IFT88: variants seen among roughly 807,000 people sequenced by gnomAD.
IFT88 encodes the protein intraflagellar transport 88.
A neutral mutation model predicts 119.5 loss-of-function variants in IFT88; 74 were observed. The ratio of observed to expected loss-of-function variants is 0.62; its 90% CI spans 0.51 to 0.75. The LOEUF (loss-of-function observed/expected upper bound fraction) is 0.75, where lower values mean the gene tolerates loss of function less well. Among genes scored for constraint, IFT88 ranks in the 30% least tolerant of loss-of-function variants. The pLI is 0.00. For synonymous variants in IFT88, 279 were observed against 316.7 expected (o/e 0.88, Z 1.26); for missense variants, 961 against 977.7 (o/e 0.98, Z 0.23).
chr13:20,671,673 C>G (rs978161336), intron 24 of IFT88, among the ~76,000 whole-genome samples: 5 of 152,196 alleles, frequency 3.3e-5, no homozygotes, highest in Non-Finnish European at 5.9e-5. Context: ...AATCTACCTT[C>G]TTTCTCTACT....
intron 24 of IFT88, among the ~76,000 whole-genome samples, chr13:20,677,032 A>G (rs77195965): frequency 0.031 from 4,754 of 152,278 alleles, 100 homozygotes; most frequent in Middle Eastern, 0.065. Flanking sequence ...TTTTCTAGCC[A>G]TAATAAGTAC....
intron 22 of IFT88, among the ~76,000 whole-genome samples, chr13:20,658,259 A>G (rs2314237): frequency 0.92 from 139,792 of 152,022 alleles, 64,364 homozygotes; most frequent in East Asian, 1. Flanking sequence ...ACCATGCCCA[A>G]CTAATTTTTG....
chr13:20,642,786 T>G (rs1473194183), intron 18 of IFT88: 3 of 152,168 alleles, frequency 2.0e-5, no homozygotes, highest in Non-Finnish European at 4.4e-5. Flanking sequence ...TTTTCTTTTT[T>G]TTTTTTCTTG....
At chr13:20,650,368 A>C (rs968986009) in intron 20 of IFT88, among the ~76,000 whole-genome samples, 3 of 152,254 alleles carry the variant, frequency 2.0e-5, no homozygotes, top group Non-Finnish European at 2.9e-5. Flanking sequence ...TGAAGAAAAA[A>C]CCCACGTGAT....
chr13:20,684,274 A>C (rs1212628159), intron 24 of IFT88, among the ~76,000 whole-genome samples: 3 of 152,152 alleles, frequency 2.0e-5, no homozygotes, highest in Admixed American at 1.3e-4. Context: ...TGGGGCAGCT[A>C]CTTTTTGCCC....
At chr13:20,674,713 TATATATA>T (rs1566450088) in intron 24 of IFT88, among the ~76,000 whole-genome samples, 1 of 37,438 alleles carries the variant, frequency 2.7e-5, no homozygotes, top group African/African-American at 9.0e-5. Flanking sequence ...TATATATATA[TATATATA>T]TATATTTTTT....
intron 13 of IFT88, among the ~76,000 whole-genome samples, chr13:20,609,038 A>C (rs570520642): frequency 6.6e-6 from 1 of 152,238 alleles, no homozygotes; most frequent in Admixed American, 6.5e-5. Context: ...TTTGGTAGGG[A>C]GATCTTGATT....
intron 17 of IFT88, among the ~76,000 whole-genome samples, chr13:20,641,040 G>A (rs1446174051): frequency 6.6e-6 from 1 of 152,134 alleles, no homozygotes; most frequent in African/African-American, 2.4e-5. Flanking sequence ...CTAGCTACTT[G>A]AGAGGCTGAG....
chr13:20,588,524 C>T (rs1294232550), intron 3 of IFT88, among the ~76,000 whole-genome samples: 2 of 152,134 alleles, frequency 1.3e-5, no homozygotes, highest in East Asian at 1.9e-4. Context: ...TATGTCTGCA[C>T]TACTCAGTAT....
At chr13:20,642,870 T>C (rs1166240178) in intron 18 of IFT88, 2 of 152,182 alleles carry the variant, frequency 1.3e-5, no homozygotes, top group Non-Finnish European at 2.9e-5. Flanking sequence ...AAACAATGCT[T>C]CTTTTTCAAT....
At chr13:20,661,899 T>C (rs1038442829) in intron 22 of IFT88, among the ~76,000 whole-genome samples, 5 of 152,024 alleles carry the variant, frequency 3.3e-5, no homozygotes, top group African/African-American at 1.2e-4. Context: ...TCCCGGGAAT[T>C]GGAGGCATCA....
chr13:20,658,318 C>G (rs1420895046), intron 22 of IFT88, among the ~76,000 whole-genome samples: 1 of 151,910 alleles, frequency 6.6e-6, no homozygotes, highest in African/African-American at 2.4e-5. Flanking sequence ...ACTCTTCAAG[C>G]GATTCTCTTG....
At chr13:20,681,764 T>C (rs891896789) in intron 24 of IFT88, among the ~76,000 whole-genome samples, 2 of 152,234 alleles carry the variant, frequency 1.3e-5, no homozygotes, top group East Asian at 3.8e-4. Context: ...ATGAACCACA[T>C]ATGAAGAATC....
intron 24 of IFT88, among the ~76,000 whole-genome samples, chr13:20,689,154 G>A (rs1224368123): frequency 2.6e-5 from 4 of 152,074 alleles, no homozygotes; most frequent in Admixed American, 2.0e-4. Context: ...GTCTGGCCCC[G>A]AGCTCCTGAC....
intron 13 of IFT88, among the ~76,000 whole-genome samples, chr13:20,615,402 A>G (rs979093025): frequency 9.2e-5 from 14 of 152,188 alleles, no homozygotes; most frequent in Non-Finnish European, 1.9e-4. Flanking sequence ...AGCAACAAAT[A>G]GTAATTCAGT....
chr13:20,585,985 T>C (rs1316386701), intron 3 of IFT88, among the ~76,000 whole-genome samples: 1 of 152,242 alleles, frequency 6.6e-6, no homozygotes, highest in Non-Finnish European at 1.5e-5. Context: ...ACTTAAGTGT[T>C]CCATACATCT....
chr13:20,629,790 C>G (rs2047918353), intron 15 of IFT88, among the ~76,000 whole-genome samples: 1 of 152,164 alleles, frequency 6.6e-6, no homozygotes, highest in African/African-American at 2.4e-5. Context: ...TTCTACATAA[C>G]TGCTTTCTAG....
At chr13:20,621,886 T>A (rs1217593802) in intron 14 of IFT88, among the ~76,000 whole-genome samples, 3 of 152,200 alleles carry the variant, frequency 2.0e-5, no homozygotes, top group African/African-American at 7.2e-5. Flanking sequence ...TCCTGTGTTG[T>A]ACCTATTCAT....
intron 20 of IFT88, among the ~76,000 whole-genome samples, chr13:20,647,357 A>G (rs1458416011): frequency 5.3e-5 from 8 of 152,322 alleles, no homozygotes; most frequent in African/African-American, 1.9e-4. Flanking sequence ...ATAAAAATGT[A>G]GGCTTTTTGA....
Sources: gnomAD v4.1 joint callset for allele counts (sites outside exome capture counted in the v4.1 genomes callset) on GRCh38, gnomAD v4.1.1 for gene constraint, MANE v1.5 for transcripts, NCBI Gene and HGNC (gene_info 2026-07-23, HGNC 2026-07-21) for gene names.